Variants in ATP2A2 observed in about 807,000 individuals in gnomAD.
ATP2A2 encodes the protein sarcoplasmic/endoplasmic reticulum calcium ATPase 2.
ATP2A2 carries 14 observed loss-of-function variants against 109.3 expected under a neutral mutation model. The observed-to-expected ratio is 0.13, with a 90% CI of 0.08 to 0.20. The LOEUF (loss-of-function observed/expected upper bound fraction) is 0.20. ATP2A2 is among the 10% of genes least tolerant of loss of function. ATP2A2 has a pLI of 1.00. For missense variants in ATP2A2, 657 were observed against 1,321.6 expected, an observed-to-expected ratio of 0.50 and a Z score of 7.80; for synonymous variants, 506 against 490.9, an observed-to-expected ratio of 1.03 and a Z score of -0.41.
At chr12:110,293,826 ATGTGTGTGTGTGTGTGTG>A (rs59260681) in intron 4 of ATP2A2, among the ~76,000 whole-genome samples, 4 of 108,566 alleles carry the variant, frequency 3.7e-5, no homozygotes, top group Non-Finnish European at 5.2e-5. Flanking sequence ...TGCCATATAT[ATGTGTGTGTGTGTGTGTG>A]TGTGTGTGTG....
intron 5 of ATP2A2, among the ~76,000 whole-genome samples, chr12:110,309,846 T>A (rs966678977): frequency 2.0e-5 from 3 of 151,148 alleles, no homozygotes; most frequent in Non-Finnish European, 4.4e-5. Flanking sequence ...GTCGAGGCTG[T>A]GGCAGTGAGC....
rs1880198013 is a variant in ATP2A2, at chr12:110,349,456, C to T, written c.*2986C>T. The stretch of plus-strand genomic sequence containing the variant: ...GAGCTTTGCCCAGAAGACCAACAAT[C>T]ATACATACCCTAACTGGGACACCAC... On this transcript the variant is annotated 3_prime_UTR_variant, in exon 20 of 20. Transcript: ENST00000539276. 2.0e-6 allele frequency: 2 copies of T among 985,416 alleles called. No individual in the cohort carries two copies. Among genetic ancestry groups the T allele is most frequent in the South Asian group, 9.4e-5 (2 of 21,296 alleles). 61.0% of individuals were successfully genotyped at this position (985,416 alleles called of 1,614,324 possible). A position where few individuals can be genotyped will look rare whatever the true frequency, so the allele number is the denominator to read the frequency against.
intron 18 of ATP2A2, chr12:110,345,795 T>C: frequency 4.6e-6 from 3 of 657,778 alleles, no homozygotes; most frequent in Non-Finnish European, 8.2e-6. Context: ...GGGTCTGCTA[T>C]GCCAAAACAT....
At chr12:110,305,871 G>GTTTTT (rs796817073) in intron 5 of ATP2A2, among the ~76,000 whole-genome samples, 1 of 139,142 alleles carries the variant, frequency 7.2e-6, no homozygotes. Flanking sequence ...AGGGATGTCT[G>GTTTTT]TTTTTTTTTT....
chr12:110,296,457 A>G (rs1873972171), intron 4 of ATP2A2, 142 bp from the exon 5 acceptor site: 42 of 1,058,148 alleles, frequency 4.0e-5, no homozygotes, highest in Non-Finnish European at 6.1e-5. Flanking sequence ...CTGTTGCCTT[A>G]GATGTGAATT....
intron 5 of ATP2A2, among the ~76,000 whole-genome samples, chr12:110,315,109 G>A (rs1345586127): frequency 1.3e-5 from 2 of 152,062 alleles, no homozygotes; most frequent in Non-Finnish European, 2.9e-5. Context: ...CTTGTGATCC[G>A]CCTGCCTCAG....
At position 110,326,214 on chromosome 12, in the gene ATP2A2, A is replaced by G. The variant is rs578100095; in HGVS notation, c.545-176A>G. On this transcript the variant is annotated intron_variant, in intron 6 of 19. Transcript: ENST00000539276. Reference sequence around the variant, plus strand: ...TCCTGACACCCTTTGTTCTGGTATTAATTTCCATTACTAAGTTTTCCCAGC... The same window carrying G: ...TCCTGACACCCTTTGTTCTGGTATTGATTTCCATTACTAAGTTTTCCCAGC... 48 of 645,542 alleles carry G rather than the reference A, an allele frequency of 7.4e-5. No homozygotes were observed. In the East Asian group the frequency reaches 1.3e-3, roughly 18 times the overall value. 40.0% of individuals were successfully genotyped at this position (645,542 alleles called of 1,614,324 possible). A position where few individuals can be genotyped will look rare whatever the true frequency, so the allele number is the denominator to read the frequency against.
Position 110,288,275 on chromosome 12 carries a change from A to T in ATP2A2, c.220-3745A>T, listed in dbSNP as rs188156532. On this transcript the variant is annotated intron_variant, in intron 3 of 19. Transcript: ENST00000539276. The stretch of plus-strand genomic sequence containing the variant: ...GCCATGCCCAACTAATTAAAAAAAA[A>T]TTTTTTTTTATACACATAGGGTCTC... Among the ~76,000 whole-genome samples, 346 of 151,208 alleles carry T rather than the reference A, an allele frequency of 2.3e-3. 1 individual carries two copies. The highest frequency in any genetic ancestry group is 7.6e-3 in the African/African-American group (313 of 41,164).
chr12:110,316,325 A>G (rs1328536789), intron 5 of ATP2A2, among the ~76,000 whole-genome samples: 3 of 152,134 alleles, frequency 2.0e-5, no homozygotes, highest in Non-Finnish European at 4.4e-5. Flanking sequence ...CCATCCCCCC[A>G]TTCCTAAATT....
At chr12:110,291,897 T>C in intron 3 of ATP2A2, 123 bp from the exon 4 acceptor site, 2 of 847,670 alleles carry the variant, frequency 2.4e-6, no homozygotes, top group Non-Finnish European at 4.0e-6. Flanking sequence ...ATCGCCTGCC[T>C]TGGCCTCCCA....
intron 3 of ATP2A2, among the ~76,000 whole-genome samples, chr12:110,287,114 G>A (rs1242869492): frequency 1.3e-5 from 2 of 152,120 alleles, no homozygotes; most frequent in Non-Finnish European, 2.9e-5. Context: ...TTAGCCAGGC[G>A]TGGTGGTGGG....
At chr12:110,317,475 A>G (rs977169797) in intron 5 of ATP2A2, among the ~76,000 whole-genome samples, 11 of 152,070 alleles carry the variant, frequency 7.2e-5, no homozygotes, top group East Asian at 1.9e-4. Flanking sequence ...CAGTGGCGCA[A>G]TCTCAGCTCA....
At position 110,334,098 on chromosome 12, in the gene ATP2A2, A is replaced by G. The variant is rs1592852541; in HGVS notation, c.1374A>G (p.Glu458=). The part of the protein sequence containing the change: ...LVEKMNVFDT[E]LKGLSKIERA... ...AGAAGATGAATGTATTTGATACCGA[A>G]TTGAAGGGTCTTTCTAAAATAGAAC... The change falls in exon 11 of 20, where the codon GAA becomes GAG. Residue 458 remains glutamate, a synonymous_variant. Coordinates refer to ENST00000539276, the MANE Select transcript of ATP2A2 (RefSeq NM_170665.4). The G allele has an allele frequency of 6.2e-7, 1 of 1,614,100 alleles. No individual in the cohort carries two copies. Among genetic ancestry groups the G allele is most frequent in the East Asian group, 2.2e-5 (1 of 44,870 alleles).
intron 8 of ATP2A2, chr12:110,330,727 T>TA (rs1878252691): frequency 6.6e-6 from 1 of 152,268 alleles, no homozygotes; most frequent in Admixed American, 6.5e-5. Context: ...AGTGAAGCTC[T>TA]ACCTCACAAC....
rs370884541 is a variant in ATP2A2 at position 110,344,878 on chromosome 12, G to T, written c.2522-8G>T. 9.9e-6 allele frequency: 16 copies of T among 1,614,036 alleles called. No homozygotes were observed. The highest frequency in any genetic ancestry group is 1.4e-5 in the Non-Finnish European group (16 of 1,180,000). On this transcript the variant is annotated splice_region_variant and splice_polypyrimidine_tract_variant and intron_variant, in intron 16 of 19. Coordinates refer to ENST00000539276, the MANE Select transcript of ATP2A2 (RefSeq NM_170665.4). ...CAAGTGCATCAGCATCACTGTGTTT[G>T]TTCCCAGGTTACGTCGGCGCTGCTA...
At chr12:110,308,520 T>G (rs1402156482) in intron 5 of ATP2A2, among the ~76,000 whole-genome samples, 1 of 152,236 alleles carries the variant, frequency 6.6e-6, no homozygotes, top group African/African-American at 2.4e-5. Context: ...GGGTAAGATA[T>G]AATTCTAAGG....
chr12:110,307,438 G>A (rs1018846370), intron 5 of ATP2A2, among the ~76,000 whole-genome samples: 1 of 151,444 alleles, frequency 6.6e-6, no homozygotes. Context: ...TTACTATGTT[G>A]CCCTGGCTAG....
intron 1 of ATP2A2, 124 bp from the exon 2 acceptor site, chr12:110,282,480 A>ATT: frequency 7.6e-7 from 1 of 1,314,422 alleles, no homozygotes; most frequent in Non-Finnish European, 1.1e-6. Context: ...TCTGTGTTTT[A>ATT]AAGATATTGA....
chr12:110,296,934 G>C (rs1282459678), intron 5 of ATP2A2, among the ~76,000 whole-genome samples, 197 bp downstream of exon 5: 1 of 152,076 alleles, frequency 6.6e-6, no homozygotes, highest in Non-Finnish European at 1.5e-5. Context: ...CATTGATAAG[G>C]CTTTTGGTTT....
Sources: allele counts gnomAD v4.1 joint callset (sites outside exome capture counted in the v4.1 genomes callset), GRCh38; gene constraint gnomAD v4.1.1; transcripts MANE v1.5; gene names NCBI Gene and HGNC (gene_info 2026-07-23, HGNC 2026-07-21).